The following KHDRBS2 variants were observed in gnomAD, a reference collection of about 807,000 sequenced individuals.
The protein encoded by KHDRBS2 is KH domain-containing, RNA-binding, signal transduction-associated protein 2.
In KHDRBS2, 26 loss-of-function variants were observed where a neutral mutation model predicts 44.3. The ratio of observed to expected loss-of-function variants is 0.59; its 90% CI spans 0.43 to 0.81. KHDRBS2 has a LOEUF of 0.81. Among genes scored for constraint, KHDRBS2 ranks in the 40% least tolerant of loss-of-function variants. KHDRBS2 has a pLI of 0.00. For missense variants in KHDRBS2, 476 were observed against 433.1 expected (o/e 1.10, Z -0.88); for synonymous variants, 194 against 151.1 (o/e 1.28, Z -2.08).
At chr6:61,641,079 T>C in the KHDRBS2 span, among the ~76,000 whole-genome samples, 1 of 152,132 alleles carries the variant, frequency 6.6e-6, no homozygotes, top group Non-Finnish European at 1.5e-5. Flanking sequence ...TCCAAAGAAG[T>C]GCTCTGCCTT....
the KHDRBS2 span, among the ~76,000 whole-genome samples, chr6:61,662,344 A>G: frequency 1.4e-4 from 21 of 151,988 alleles, no homozygotes; most frequent in East Asian, 2.3e-3. Flanking sequence ...ATGGGCAAGG[A>G]CTTCATGTCT....
the KHDRBS2 span, among the ~76,000 whole-genome samples, chr6:61,660,546 T>C: frequency 6.6e-6 from 1 of 151,862 alleles, no homozygotes. Context: ...AATACAAGAA[T>C]ATACAAGGAA....
At chr6:62,234,921 T>G (rs1833459183) in intron 1 of KHDRBS2, among the ~76,000 whole-genome samples, 1 of 151,976 alleles carries the variant, frequency 6.6e-6, no homozygotes, top group South Asian at 2.1e-4. Flanking sequence ...AACAAAATTT[T>G]GAACTATAAA....
chr6:61,833,872 C>T (rs1473357752), intron 6 of KHDRBS2, among the ~76,000 whole-genome samples: 2 of 152,094 alleles, frequency 1.3e-5, no homozygotes, highest in Non-Finnish European at 2.9e-5. Context: ...TTTTCTCTCT[C>T]TGTTTGCCTC....
intron 5 of KHDRBS2, among the ~76,000 whole-genome samples, chr6:61,899,917 CT>C (rs1803652873): frequency 6.6e-6 from 1 of 151,848 alleles, no homozygotes; most frequent in African/African-American, 2.4e-5. Flanking sequence ...GCAATGATGT[CT>C]TTTTTACCTC....
intron 2 of KHDRBS2, among the ~76,000 whole-genome samples, chr6:62,161,409 CAAT>C (rs954283336): frequency 2.0e-5 from 3 of 150,646 alleles, no homozygotes; most frequent in African/African-American, 7.3e-5. Flanking sequence ...TAAAGTATAA[CAAT>C]AATTTACATA....
the KHDRBS2 span, among the ~76,000 whole-genome samples, chr6:61,577,867 G>A: frequency 1.1e-4 from 16 of 152,028 alleles, no homozygotes; most frequent in East Asian, 5.8e-4. Flanking sequence ...TTTTAGTTAC[G>A]GAATGAGAGC....
At chr6:61,958,687 TTC>T (rs1172667426) in intron 4 of KHDRBS2, among the ~76,000 whole-genome samples, 1 of 152,186 alleles carries the variant, frequency 6.6e-6, no homozygotes, top group Non-Finnish European at 1.5e-5. Flanking sequence ...GTCTTAAATA[TTC>T]TTACTTTACA....
the KHDRBS2 span, among the ~76,000 whole-genome samples, chr6:61,618,330 G>T: frequency 0.024 from 3,722 of 152,236 alleles, 71 homozygotes; most frequent in Middle Eastern, 0.089. Context: ...TCTTTAGGCC[G>T]CATGCATGAC....
intron 6 of KHDRBS2, among the ~76,000 whole-genome samples, chr6:61,841,640 C>T (rs980784744): frequency 6.6e-6 from 1 of 152,114 alleles, no homozygotes; most frequent in Non-Finnish European, 1.5e-5. Flanking sequence ...GGATTGACTA[C>T]ATCTTCCTAA....
intron 6 of KHDRBS2, among the ~76,000 whole-genome samples, chr6:61,843,125 T>C (rs1370146867): frequency 6.6e-6 from 1 of 151,750 alleles, no homozygotes; most frequent in African/African-American, 2.4e-5. Flanking sequence ...ATGTCCAGAA[T>C]AGGCAGATTC....
In KHDRBS2 at chr6:61,895,476, C is replaced by A. The variant is rs1163885399; in HGVS notation, c.612-643G>T. On this transcript the variant is annotated intron_variant, in intron 5 of 8. Transcript: ENST00000281156. Reference sequence around the variant, plus strand: ...CTGTAACCCCCTGAACTGGTGCAGTCCCTGACAGAATATATTTTCTTAACC... The same window carrying A: ...CTGTAACCCCCTGAACTGGTGCAGTACCTGACAGAATATATTTTCTTAACC... Among the ~76,000 whole-genome samples, 3 of 152,138 alleles carry A rather than the reference C, an allele frequency of 2.0e-5. No individual in the cohort carries two copies. In the East Asian group the frequency reaches 5.8e-4, roughly 29 times the overall value.
chr6:62,127,737 T>C (rs935468053), intron 2 of KHDRBS2, among the ~76,000 whole-genome samples: 3 of 152,186 alleles, frequency 2.0e-5, no homozygotes, highest in African/African-American at 7.2e-5. Flanking sequence ...GGATTTTTAC[T>C]TGTAAGAAGG....
the KHDRBS2 span, among the ~76,000 whole-genome samples, chr6:61,604,016 T>C: frequency 6.6e-6 from 1 of 152,214 alleles, no homozygotes; most frequent in Non-Finnish European, 1.5e-5. Flanking sequence ...TCATTGAGGC[T>C]ACCGCTCTGC....
At chr6:62,059,868 T>C (rs1398734019) in intron 2 of KHDRBS2, among the ~76,000 whole-genome samples, 1 of 151,736 alleles carries the variant, frequency 6.6e-6, no homozygotes, top group Non-Finnish European at 1.5e-5. Flanking sequence ...TCTGGAAGAA[T>C]ACAAAATTTA....
chr6:61,895,165 C>A (rs1802728970), intron 5 of KHDRBS2, among the ~76,000 whole-genome samples: 2 of 149,566 alleles, frequency 1.3e-5, no homozygotes, highest in Admixed American at 6.7e-5. Context: ...CTGAATATAA[C>A]CCCATTAAAT....
intron 6 of KHDRBS2, among the ~76,000 whole-genome samples, chr6:61,840,863 C>T (rs1316963679): frequency 3.3e-5 from 5 of 152,050 alleles, no homozygotes; most frequent in African/African-American, 7.2e-5. Context: ...GTTTCATTCC[C>T]GAAACATGCA....
At chr6:61,772,884 T>C (rs1035061879) in intron 6 of KHDRBS2, among the ~76,000 whole-genome samples, 7 of 152,110 alleles carry the variant, frequency 4.6e-5, no homozygotes, top group Non-Finnish European at 8.8e-5. Flanking sequence ...AGTGAGAATA[T>C]GCGGTGTTTG....
At chr6:61,949,868 C>T (rs1275258678) in intron 4 of KHDRBS2, among the ~76,000 whole-genome samples, 2 of 151,942 alleles carry the variant, frequency 1.3e-5, no homozygotes, top group East Asian at 1.9e-4. Context: ...CATTCTTTTA[C>T]CTCATGTTTT....
Sources: gnomAD v4.1 joint callset for allele counts (sites outside exome capture counted in the v4.1 genomes callset) on GRCh38, gnomAD v4.1.1 for gene constraint, MANE v1.5 for transcripts, NCBI Gene and HGNC (gene_info 2026-07-23, HGNC 2026-07-21) for gene names.